The following LYPD6B variants were observed in gnomAD, a reference collection of about 807,000 sequenced individuals.
LYPD6B encodes ly6/PLAUR domain-containing protein 6B.
LYPD6B carries 17 observed loss-of-function variants against 22.8 expected under a neutral mutation model. The observed-to-expected ratio is 0.75, with a 90% CI of 0.51 to 1.12. The LOEUF (loss-of-function observed/expected upper bound fraction) is 1.12. Among genes scored for constraint, LYPD6B ranks in the 50% most tolerant of loss-of-function variants. The pLI, the probability that LYPD6B is intolerant of heterozygous loss-of-function variation, is 0.00. For missense variants in LYPD6B, 221 were observed against 258.3 expected, an observed-to-expected ratio of 0.86 and a Z score of 0.99; for synonymous variants, 106 against 91.6, an observed-to-expected ratio of 1.16 and a Z score of -0.90.
At chr2:149,057,515 G>C (rs192854568) in intron 1 of LYPD6B, among the ~76,000 whole-genome samples, 1 of 152,106 alleles carries the variant, frequency 6.6e-6, no homozygotes, top group Admixed American at 6.5e-5. Flanking sequence ...TCAATCAGAA[G>C]GGAAATAGGA....
intron 3 of LYPD6B, among the ~76,000 whole-genome samples, chr2:149,193,217 T>C (rs569872788): frequency 3.3e-5 from 5 of 152,276 alleles, no homozygotes; most frequent in Non-Finnish European, 5.9e-5. Context: ...GAAGAATCTC[T>C]GCATTCATTA....
At chr2:149,192,124 G>A (rs1026485544) in intron 3 of LYPD6B, among the ~76,000 whole-genome samples, 2 of 152,158 alleles carry the variant, frequency 1.3e-5, no homozygotes, top group African/African-American at 4.8e-5. Flanking sequence ...TCACAGGTCT[G>A]GACAGGCAGC....
chr2:149,090,603 A>C (rs377152653), intron 1 of LYPD6B, among the ~76,000 whole-genome samples: 11 of 152,260 alleles, frequency 7.2e-5, no homozygotes, highest in East Asian at 5.8e-4. Context: ...GAATTACATA[A>C]ATGGAGATAT....
rs116067540 is a variant in LYPD6B at position 149,202,506 on chromosome 2, T to C, written c.78-2747T>C. Among the ~76,000 whole-genome samples the C allele has an allele frequency of 2.0e-5, 3 of 152,228 alleles. No individual in the cohort carries two copies. The East Asian group carries it at 5.8e-4, about 29-fold the overall frequency. The stretch of plus-strand genomic sequence containing the variant: ...ATGTCAACTACTCAGAGAGACATAC[T>C]GGGTCCTTGTCTGTGTAAAGTAGCA... On this transcript the variant is annotated intron_variant, in intron 3 of 6. Coordinates refer to ENST00000409642, the MANE Select transcript of LYPD6B (RefSeq NM_177964.5).
intron 3 of LYPD6B, among the ~76,000 whole-genome samples, chr2:149,186,852 G>A (rs186597569): frequency 1.3e-5 from 2 of 152,286 alleles, no homozygotes; most frequent in Admixed American, 1.3e-4. Flanking sequence ...AGTATCACAT[G>A]CTACAGAGAA....
chr2:149,059,902 A>G (rs1179552315), intron 1 of LYPD6B, among the ~76,000 whole-genome samples: 2 of 152,168 alleles, frequency 1.3e-5, no homozygotes, highest in Non-Finnish European at 2.9e-5. Flanking sequence ...GTGTCCCAGA[A>G]GGTGACCTAA....
chr2:149,173,597 A>G (rs1559051884), intron 3 of LYPD6B, among the ~76,000 whole-genome samples: 1 of 152,096 alleles, frequency 6.6e-6, no homozygotes, highest in African/African-American at 2.4e-5. Flanking sequence ...ATTTGCTATC[A>G]TTTCCCTAAG....
intron 1 of LYPD6B, among the ~76,000 whole-genome samples, chr2:149,086,769 C>T (rs368828277): frequency 2.4e-4 from 37 of 152,214 alleles, no homozygotes; most frequent in African/African-American, 8.4e-4. Flanking sequence ...ATGGCAGGGT[C>T]GGTTTCCTCT....
chr2:149,164,479 C>G (rs1191686568), intron 3 of LYPD6B, among the ~76,000 whole-genome samples: 1 of 152,150 alleles, frequency 6.6e-6, no homozygotes, highest in Admixed American at 6.5e-5. Context: ...TTTTGTGACT[C>G]ATGCCATGAA....
chr2:149,151,386 C>T (rs1191252484), intron 2 of LYPD6B, among the ~76,000 whole-genome samples: 1 of 152,128 alleles, frequency 6.6e-6, no homozygotes, highest in Admixed American at 6.5e-5. Context: ...TTCTCAGTCT[C>T]ATACTTTATC....
In LYPD6B at chr2:149,050,800, G is replaced by A. The variant is rs577145038; in HGVS notation, c.-67+11999G>A. 3.3e-5 allele frequency among the ~76,000 whole-genome samples: 5 copies of A among 152,252 alleles called. No individual in the cohort carries two copies. In the South Asian group the frequency reaches 8.3e-4, roughly 25 times the overall value. Reference sequence around the variant, plus strand: ...TTTTGCCTTGGCACCCAGGAAGCCCGGAGCTACAGTTGTAGTGATAATTTT... The same window carrying A: ...TTTTGCCTTGGCACCCAGGAAGCCCAGAGCTACAGTTGTAGTGATAATTTT... On this transcript the variant is annotated intron_variant, in intron 1 of 6. Transcript: ENST00000409642.
At chr2:149,104,497 T>C (rs1420028290) in intron 1 of LYPD6B, among the ~76,000 whole-genome samples, 1 of 152,206 alleles carries the variant, frequency 6.6e-6, no homozygotes, top group African/African-American at 2.4e-5. Flanking sequence ...TGTTAATCAT[T>C]CTTTATGTGT....
chr2:149,075,190 C>T (rs1008626566), intron 1 of LYPD6B, among the ~76,000 whole-genome samples: 1 of 152,194 alleles, frequency 6.6e-6, no homozygotes, highest in Non-Finnish European at 1.5e-5. Flanking sequence ...AATCTTCCTT[C>T]TCCTCTATTT....
chr2:149,111,407 T>C (rs1461437847), intron 1 of LYPD6B, among the ~76,000 whole-genome samples: 1 of 151,988 alleles, frequency 6.6e-6, no homozygotes, highest in East Asian at 1.9e-4. Context: ...TGATGAAAAA[T>C]CAGTCTGATT....
At chr2:149,130,984 G>A in intron 2 of LYPD6B, 31 bp downstream of exon 2, 1 of 1,512,708 alleles carries the variant, frequency 6.6e-7, no homozygotes, top group East Asian at 2.3e-5. Context: ...TGGATGTAGA[G>A]AAGATATTTT....
chr2:149,150,427 A>G (rs1689296433), intron 2 of LYPD6B, among the ~76,000 whole-genome samples: 1 of 152,310 alleles, frequency 6.6e-6, no homozygotes, highest in Non-Finnish European at 1.5e-5. Context: ...TTAATTCTGT[A>G]TCAGCAAAAT....
chr2:149,120,385 T>TATATATATA (rs56118666), intron 1 of LYPD6B, among the ~76,000 whole-genome samples: 53 of 54,724 alleles, frequency 9.7e-4, no homozygotes, highest in African/African-American at 4.0e-3. Context: ...ATATATATAT[T>TATATATATA]TTTTTTTTTT....
chr2:149,187,522 A>G (rs1402239997), intron 3 of LYPD6B: 4 of 1,487,484 alleles, frequency 2.7e-6, no homozygotes, highest in Non-Finnish European at 3.6e-6. Flanking sequence ...GGAAAGTAAG[A>G]TTCCCTGCGA....
chr2:149,196,378 G>A (rs1692811561), intron 3 of LYPD6B, among the ~76,000 whole-genome samples: 1 of 152,168 alleles, frequency 6.6e-6, no homozygotes, highest in Non-Finnish European at 1.5e-5. Flanking sequence ...GTTTTTAAAT[G>A]CCCTCCTGTT....
Sources: allele counts gnomAD v4.1 joint callset (sites outside exome capture counted in the v4.1 genomes callset), GRCh38; gene constraint gnomAD v4.1.1; transcripts MANE v1.5; gene names NCBI Gene and HGNC (gene_info 2026-07-23, HGNC 2026-07-21).